Variants in CEP72 observed in about 807,000 individuals in gnomAD.
CEP72 encodes centrosomal protein 72.
Under a neutral mutation model 65.7 loss-of-function variants are expected in CEP72, and 78 were observed. The ratio of observed to expected loss-of-function variants is 1.19; its 90% CI spans 0.99 to 1.43. CEP72 has a LOEUF of 1.43. Among genes scored for constraint, CEP72 ranks in the 40% most tolerant of loss-of-function variants. The pLI is 0.00. For synonymous variants in CEP72, 358 were observed against 351.7 expected, an observed-to-expected ratio of 1.02 and a Z score of -0.20; for missense variants, 914 against 832.9, an observed-to-expected ratio of 1.10 and a Z score of -1.20.
At chr5:643,628 C>T (rs1738211430) in intron 9 of CEP72, 1 of 985,278 alleles carries the variant, frequency 1.0e-6, no homozygotes, top group African/African-American at 1.7e-5. Flanking sequence ...GCACCCCCGG[C>T]CCCAGGATGT....
At chr5:636,058 G>A (rs955218641) in intron 6 of CEP72, among the ~76,000 whole-genome samples, 3 of 152,244 alleles carry the variant, frequency 2.0e-5, no homozygotes, top group Non-Finnish European at 4.4e-5. Context: ...GCTTAATACT[G>A]TTAGAGTGGC....
intron 1 of CEP72, 49 bp from the exon 2 acceptor site, chr5:618,941 A>G (rs1736191172): frequency 6.9e-7 from 1 of 1,455,194 alleles, no homozygotes; most frequent in Non-Finnish European, 9.6e-7. Flanking sequence ...CGTTATTATA[A>G]TTGTTTTCAA....
At chr5:654,049 C>T (rs1739278743), downstream of CEP72, among the ~76,000 whole-genome samples, 1 of 134,310 alleles carries the variant, frequency 7.4e-6, no homozygotes, top group Admixed American at 7.6e-5. Flanking sequence ...TGTGTGTGTG[C>T]TAGCTGTGTG....
intron 9 of CEP72, chr5:642,580 G>C: frequency 1.0e-6 from 1 of 985,502 alleles, no homozygotes; most frequent in South Asian, 4.7e-5. Flanking sequence ...CCAGGGGTGA[G>C]AGTCACATGC....
downstream of CEP72, among the ~76,000 whole-genome samples, chr5:653,995 TTGCTGTGTGTGTG>T (rs1202713777): frequency 4.7e-5 from 7 of 149,636 alleles, no homozygotes; most frequent in East Asian, 1.2e-3. Context: ...GTGTGTGCCC[TTGCTGTGTGTGTG>T]TGCTGTGTGT....
intron 11 of CEP72, among the ~76,000 whole-genome samples, chr5:651,466 G>A (rs867473083): frequency 3.3e-5 from 5 of 151,936 alleles, no homozygotes; most frequent in African/African-American, 4.8e-5. Flanking sequence ...AGAGATGGTC[G>A]GGCACGGCGG....
In CEP72 at chr5:645,834, G is replaced by A. The variant is rs111503474; in HGVS notation, c.1666+1409G>A. 5.4e-4 allele frequency among the ~76,000 whole-genome samples: 82 copies of A among 152,374 alleles called. No individual in the cohort carries two copies. Among genetic ancestry groups the A allele is most frequent in the African/African-American group, 1.8e-3 (75 of 41,586 alleles). The stretch of plus-strand genomic sequence containing the variant: ...AATGTTAGAGGTGTCTTGGTCTTTG[G>A]TGGTTTGGTGATGTTCTTGTGACTA... On this transcript the variant is annotated intron_variant, in intron 10 of 11. Transcript: ENST00000264935. The surrounding 1 kb of genome is among the most constrained non-coding windows in gnomAD (Gnocchi z 4.0).
downstream of CEP72, among the ~76,000 whole-genome samples, chr5:654,356 G>GTGTGTGCGCGCACGCACCC (rs1739308776): frequency 1.2e-5 from 1 of 84,682 alleles, no homozygotes; most frequent in Non-Finnish European, 2.5e-5. Flanking sequence ...CACGCACCCT[G>GTGTGTGCGCGCACGCACCC]TGTGTGTGCT....
chr5:656,196 C>T (rs752091395), downstream of CEP72, among the ~76,000 whole-genome samples: 8 of 152,128 alleles, frequency 5.3e-5, no homozygotes, highest in Non-Finnish European at 7.3e-5. Context: ...TCTCTGTGTC[C>T]GTTTCTGCAT....
chr5:628,612 A>T (rs36137538), intron 4 of CEP72, among the ~76,000 whole-genome samples: 167 of 83,280 alleles, frequency 2.0e-3, no homozygotes, highest in African/African-American at 9.0e-3. Context: ...TGGAGAACTC[A>T]GGTCGCAGTC....
Position 620,222 on chromosome 5 carries a change from C to T in CEP72, c.364C>T (p.Leu122Phe). ...PVVKVEPDYR[L>F]FVVHLLPKLQ... Reference sequence around the variant, plus strand: ...GGTGAAGGTTGAGCCTGACTACCGCCTTTTTGTTGTGCACCTGCTCCCCAA... The same window carrying T: ...GGTGAAGGTTGAGCCTGACTACCGCTTTTTTGTTGTGCACCTGCTCCCCAA... Residue 122 changes from leucine (L) to phenylalanine (F), a missense_variant, in exon 3 of 12, where the codon CTT becomes TTT. Transcript: ENST00000264935. 1 of 1,614,138 alleles carries T rather than the reference C, an allele frequency of 6.2e-7. No homozygotes were observed. The highest frequency in any genetic ancestry group is 8.5e-7 in the Non-Finnish European group (1 of 1,179,952).
chr5:619,736 G>C (rs1052612949), intron 2 of CEP72, among the ~76,000 whole-genome samples: 1 of 152,204 alleles, frequency 6.6e-6, no homozygotes, highest in East Asian at 1.9e-4. Flanking sequence ...ATCTGTGAAG[G>C]GGGGGCTGAT....
Position 653,327 on chromosome 5 carries a change from C to T in CEP72, c.*174C>T, listed in dbSNP as rs1194947820. On this transcript the variant is annotated 3_prime_UTR_variant, in exon 12 of 12. Transcript: ENST00000264935. ...TGTAGCTTGGTTTTCTAAAGCACCT[C>T]GTAAAATGATATGATTACTCCAAGC... 8 of 548,666 alleles carry T rather than the reference C, an allele frequency of 1.5e-5. No individual in the cohort carries two copies. In the African/African-American group the frequency reaches 1.6e-4, roughly 11 times the overall value. The allele number at this position is 548,666 out of a possible 1,614,324, so 34.0% of individuals were successfully genotyped here. A position where few individuals can be genotyped will look rare whatever the true frequency, so the allele number is the denominator to read the frequency against.
chr5:675,483 G>T, the CEP72 span, among the ~76,000 whole-genome samples: 30 of 71,110 alleles, frequency 4.2e-4, no homozygotes, highest in African/African-American at 3.3e-3. Flanking sequence ...AGTGTGGCCA[G>T]GGGTACATTG....
downstream of CEP72, among the ~76,000 whole-genome samples, chr5:671,132 C>G (rs1002700869): frequency 6.6e-6 from 1 of 152,220 alleles, no homozygotes; most frequent in African/African-American, 2.4e-5. Context: ...CTACCGAAGG[C>G]TCCCCCCTGC....
At chr5:640,207 C>G (rs1312523528) in intron 8 of CEP72, among the ~76,000 whole-genome samples, 3 of 152,204 alleles carry the variant, frequency 2.0e-5, no homozygotes, top group Non-Finnish European at 4.4e-5. Context: ...CACCTCTTCT[C>G]TTTCTTCAGT....
intron 4 of CEP72, among the ~76,000 whole-genome samples, chr5:629,579 C>A (rs201152884): frequency 1.6e-4 from 15 of 91,634 alleles, no homozygotes; most frequent in East Asian, 4.6e-4. Flanking sequence ...CGGGATTTGG[C>A]CCAGTCCTGG....
intron 9 of CEP72, chr5:641,717 T>G (rs1232087775): frequency 1.0e-6 from 1 of 984,798 alleles, no homozygotes; most frequent in Admixed American, 6.2e-5. Flanking sequence ...GTCTCTGCAT[T>G]TAAACACACA....
At chr5:646,079 T>C (rs1423027444) in intron 10 of CEP72, among the ~76,000 whole-genome samples, 1 of 148,434 alleles carries the variant, frequency 6.7e-6, no homozygotes, top group South Asian at 2.2e-4. Context: ...AGCGTCACTC[T>C]TGCTCCCATT....
Sources: allele counts gnomAD v4.1 joint callset (sites outside exome capture counted in the v4.1 genomes callset), GRCh38; gene constraint gnomAD v4.1.1; non-coding constraint Gnocchi (gnomAD v3.1); transcripts MANE v1.5; gene names NCBI Gene and HGNC (gene_info 2026-07-23, HGNC 2026-07-21).